HNRNPUL1: variants seen among roughly 807,000 people sequenced by gnomAD.
HNRNPUL1 encodes heterogeneous nuclear ribonucleoprotein U-like protein 1.
A neutral mutation model predicts 108.5 loss-of-function variants in HNRNPUL1; 14 were observed. The ratio of observed to expected loss-of-function variants is 0.13; its 90% CI spans 0.09 to 0.20. The LOEUF is 0.20. HNRNPUL1 is among the 10% of genes least tolerant of loss of function. The probability of loss-of-function intolerance (pLI) is 1.00; values close to 1 mark genes in which losing one functional copy is unlikely to be tolerated. For synonymous variants in HNRNPUL1, 422 were observed against 445.2 expected, an observed-to-expected ratio of 0.95 and a Z score of 0.66; for missense variants, 804 against 1,168.3, an observed-to-expected ratio of 0.69 and a Z score of 4.55.
intron 11 of HNRNPUL1, 41 bp from the exon 12 acceptor site, chr19:41,302,624 C>T (rs1568459590): frequency 3.1e-6 from 5 of 1,613,124 alleles, no homozygotes; most frequent in Non-Finnish European, 4.2e-6. Context: ...AGGTACTGAC[C>T]TCTTCTTCTT....
Position 41,297,411 on chromosome 19 carries a change from G to T in HNRNPUL1, c.1518+2725G>T, listed in dbSNP as rs1473096919. On this transcript the variant is annotated intron_variant, in intron 10 of 14. Coordinates refer to ENST00000392006, the MANE Select transcript of HNRNPUL1 (RefSeq NM_007040.6). ...TTAGGTTTTCATCCGGAGGAATGTG[G>T]ATAAATTTGCCTGGCTAGTAAAAGG... 3.9e-5 allele frequency among the ~76,000 whole-genome samples: 6 copies of T among 152,324 alleles called. No individual in the cohort carries two copies. In the South Asian group the frequency reaches 1.0e-3, roughly 26 times the overall value.
chr19:41,291,049 C>A (rs1051877813), intron 7 of HNRNPUL1, among the ~76,000 whole-genome samples: 1 of 152,012 alleles, frequency 6.6e-6, no homozygotes, highest in African/African-American at 2.4e-5. Context: ...TCCGTCTCAA[C>A]AAAAAGAGGG....
chr19:41,282,712 C>T (rs1343140766), intron 7 of HNRNPUL1, among the ~76,000 whole-genome samples: 6 of 141,204 alleles, frequency 4.2e-5, no homozygotes, highest in African/African-American at 1.1e-4. Flanking sequence ...TTTTTTGAGA[C>T]GGAGTCTCGC....
intron 7 of HNRNPUL1, among the ~76,000 whole-genome samples, chr19:41,287,217 T>C (rs1317753353): frequency 6.6e-6 from 1 of 152,070 alleles, no homozygotes; most frequent in Non-Finnish European, 1.5e-5. Flanking sequence ...GGTTTCACCA[T>C]GTTGGTCAGG....
intron 7 of HNRNPUL1, among the ~76,000 whole-genome samples, chr19:41,281,899 G>A (rs1265835599): frequency 6.6e-6 from 1 of 152,134 alleles, no homozygotes; most frequent in East Asian, 1.9e-4. Context: ...TACCCTTCTT[G>A]TTTTTCAGTT....
chr19:41,284,952 C>T (rs903976376), intron 7 of HNRNPUL1, among the ~76,000 whole-genome samples: 21 of 148,528 alleles, frequency 1.4e-4, no homozygotes, highest in African/African-American at 3.8e-4. Flanking sequence ...GCCACGATTG[C>T]GCCACTGTAC....
Position 41,294,724 on chromosome 19 carries a change from A to T in HNRNPUL1, c.1518+38A>T. On this transcript the variant is annotated intron_variant, in intron 10 of 14. Coordinates refer to ENST00000392006, the MANE Select transcript of HNRNPUL1 (RefSeq NM_007040.6). The surrounding 1 kb of genome is among the most constrained non-coding windows in gnomAD (Gnocchi z 4.3). ...GACCATTGTGTCCTCAGGAGAAGGG[A>T]GGGGACCCCTTGCATGCCTGAGAAT... is the stretch of plus-strand genomic sequence containing the variant. The T allele has an allele frequency of 6.2e-7, 1 of 1,611,020 alleles. No individual in the cohort carries two copies. Among genetic ancestry groups the T allele is most frequent in the African/African-American group, 1.3e-5 (1 of 74,978 alleles).
In HNRNPUL1 at chr19:41,306,727, C is replaced by T; in HGVS notation, c.*162C>T. 3 of 416,906 alleles carry T rather than the reference C, an allele frequency of 7.2e-6. No homozygotes were observed. In the East Asian group the frequency reaches 1.1e-4, roughly 15 times the overall value. The allele number at this position is 416,906 out of a possible 1,614,324, so 25.8% of individuals were successfully genotyped here. ...TGCCTCCCCTCTGAGGGGCTTCCTT[C>T]CCCTCCATAGGGCCAGGCATTTTTT... On this transcript the variant is annotated 3_prime_UTR_variant, in exon 15 of 15. Transcript: ENST00000392006.
chr19:41,267,838 C>T (rs1407162581), intron 1 of HNRNPUL1, among the ~76,000 whole-genome samples: 1 of 152,220 alleles, frequency 6.6e-6, no homozygotes, highest in Non-Finnish European at 1.5e-5. Flanking sequence ...AGCTTTCACA[C>T]GTGTTATCCC....
At chr19:41,273,313 C>T (rs1375614046) in intron 3 of HNRNPUL1, among the ~76,000 whole-genome samples, 1 of 152,154 alleles carries the variant, frequency 6.6e-6, no homozygotes, top group Non-Finnish European at 1.5e-5. Flanking sequence ...TGGGCATGGG[C>T]TCCCCATCTG....
chr19:41,301,688 G>T lies in HNRNPUL1; in HGVS notation c.1671G>T (p.Ala557=), dbSNP rs768611706. ...AAGGGAAGGATGTCCCAGATCATGCGGTCTTAGAAATGAAAGGTAGGAAAT... is the reference window on the plus strand; with the variant it reads ...AAGGGAAGGATGTCCCAGATCATGCTGTCTTAGAAATGAAAGGTAGGAAAT... The part of the protein sequence containing the change: ...DEEGKDVPDH[A]VLEMKANFTL... Residue 557 remains alanine (A), a synonymous_variant, in exon 11 of 15, where the codon GCG becomes GCT. Transcript: ENST00000392006. 1 of 1,613,164 alleles carries T rather than the reference G, an allele frequency of 6.2e-7. No homozygotes were observed. The highest frequency in any genetic ancestry group is 8.5e-7 in the Non-Finnish European group (1 of 1,179,626).
intron 2 of HNRNPUL1, among the ~76,000 whole-genome samples, chr19:41,268,906 C>A (rs913161615): frequency 6.6e-6 from 1 of 151,894 alleles, no homozygotes; most frequent in Non-Finnish European, 1.5e-5. Flanking sequence ...AGAGTTGAGA[C>A]CCCTAGACTA....
chr19:41,276,699 C>T (rs994378504), intron 5 of HNRNPUL1: 2 of 164,662 alleles, frequency 1.2e-5, no homozygotes, highest in Admixed American at 5.7e-5. Context: ...CTTAGGCCAG[C>T]CTCTGCTGTC....
intron 7 of HNRNPUL1, among the ~76,000 whole-genome samples, chr19:41,282,313 G>GC (rs2035943628): frequency 6.6e-6 from 1 of 152,084 alleles, no homozygotes; most frequent in Non-Finnish European, 1.5e-5. Flanking sequence ...CCCCTGAGTA[G>GC]CTGGGATTGC....
At chr19:41,281,687 C>G (rs752674403) in intron 7 of HNRNPUL1, among the ~76,000 whole-genome samples, 7 of 152,144 alleles carry the variant, frequency 4.6e-5, no homozygotes, top group Non-Finnish European at 1.0e-4. Context: ...CTTTCTTCAT[C>G]TCACATTGGT....
intron 10 of HNRNPUL1, among the ~76,000 whole-genome samples, chr19:41,300,603 C>T (rs974851473): frequency 3.3e-5 from 5 of 152,148 alleles, no homozygotes; most frequent in African/African-American, 1.2e-4. Flanking sequence ...CAGGCTGAGT[C>T]TATGGAACCC....
chr19:41,298,967 C>T (rs1191161567), intron 10 of HNRNPUL1: 2 of 151,796 alleles, frequency 1.3e-5, no homozygotes, highest in African/African-American at 2.4e-5. Flanking sequence ...GCCATATTCA[C>T]CCTGGCACCT....
chr19:41,276,107 A>G, intron 4 of HNRNPUL1, 52 bp from the exon 5 acceptor site: 1 of 1,612,074 alleles, frequency 6.2e-7, no homozygotes, highest in Admixed American at 1.7e-5. Flanking sequence ...CCGTCTCAAG[A>G]AAACAAAACA....
At chr19:41,278,963 A>G in intron 5 of HNRNPUL1, 114 bp from the exon 6 acceptor site, 1 of 773,380 alleles carries the variant, frequency 1.3e-6, no homozygotes. Context: ...CTTCTTCTCC[A>G]GCAAGAAAAG....
Sources: allele counts gnomAD v4.1 joint callset (sites outside exome capture counted in the v4.1 genomes callset), GRCh38; gene constraint gnomAD v4.1.1; non-coding constraint Gnocchi (gnomAD v3.1); transcripts MANE v1.5; gene names NCBI Gene and HGNC (gene_info 2026-07-23, HGNC 2026-07-21).